RBFOX1: variants seen among roughly 807,000 people sequenced by gnomAD.
The protein encoded by RBFOX1 is RNA binding protein fox-1 homolog 1.
Under a neutral mutation model 57.7 loss-of-function variants are expected in RBFOX1, and 8 were observed. That is an observed-to-expected ratio of 0.14 (90% CI 0.08 to 0.25). The LOEUF (loss-of-function observed/expected upper bound fraction) is 0.25. Among genes scored for constraint, RBFOX1 ranks in the 10% least tolerant of loss-of-function variants. The pLI is 1.00. For missense variants in RBFOX1, 611 were observed against 548.5 expected, an observed-to-expected ratio of 1.11 and a Z score of -1.14; for synonymous variants, 326 against 222.4, an observed-to-expected ratio of 1.47 and a Z score of -4.15.
chr16:5,439,237 G>T (rs1373171929), intron 1 of RBFOX1, among the ~76,000 whole-genome samples: 4 of 152,090 alleles, frequency 2.6e-5, no homozygotes, highest in Admixed American at 2.6e-4. Context: ...TCCAGGAAGG[G>T]ATAGAATCTT....
intron 2 of RBFOX1, among the ~76,000 whole-genome samples, chr16:6,381,976 TGTAA>T (rs1360321327): frequency 6.6e-6 from 1 of 152,208 alleles, no homozygotes; most frequent in Admixed American, 6.5e-5. Flanking sequence ...AAAGTTTTCC[TGTAA>T]AGGGCCACAC....
At chr16:7,234,934 G>T (rs1039221852) in intron 4 of RBFOX1, among the ~76,000 whole-genome samples, 1 of 151,970 alleles carries the variant, frequency 6.6e-6, no homozygotes, top group African/African-American at 2.4e-5. Context: ...ACTTACTGTA[G>T]ACTTGCTTTT....
chr16:7,399,282 TACTAA>T (rs1277920796), intron 4 of RBFOX1, among the ~76,000 whole-genome samples: 2,740 of 152,246 alleles, frequency 0.018, 69 homozygotes, highest in African/African-American at 0.061. Context: ...ACCCCATCTC[TACTAA>T]AAATACAAAA....
chr16:6,675,020 C>T lies in RBFOX1; in HGVS notation c.-16+20370C>T, dbSNP rs4786905. ...TCCCAGGTTCAAGCCATTCTCGTGCCTCAGCCTCCTCATTAGCTGGGACTA... is the reference window on the plus strand; with the variant it reads ...TCCCAGGTTCAAGCCATTCTCGTGCTTCAGCCTCCTCATTAGCTGGGACTA... On this transcript the variant is annotated intron_variant, in intron 3 of 15. Transcript: ENST00000550418. Among the ~76,000 whole-genome samples, 4 of 151,978 alleles carry T rather than the reference C, an allele frequency of 2.6e-5. No homozygotes were observed. In the East Asian group the frequency reaches 5.8e-4, roughly 22 times the overall value.
intron 12 of RBFOX1, among the ~76,000 whole-genome samples, chr16:7,658,670 C>A (rs907326942): frequency 6.6e-6 from 1 of 152,132 alleles, no homozygotes; most frequent in African/African-American, 2.4e-5. Context: ...TCGATGAGTA[C>A]CTATTAGGTA....
At chr16:5,485,072 C>T (rs2069679198) in intron 2 of RBFOX1, among the ~76,000 whole-genome samples, 1 of 148,842 alleles carries the variant, frequency 6.7e-6, no homozygotes, top group Admixed American at 6.7e-5. Context: ...TAAGGCTGGG[C>T]ACAGTGGCTC....
At chr16:6,123,485 T>A (rs1223239061) in intron 1 of RBFOX1, among the ~76,000 whole-genome samples, 1 of 152,194 alleles carries the variant, frequency 6.6e-6, no homozygotes, top group Non-Finnish European at 1.5e-5. Context: ...GAATAGAGGT[T>A]ACCAGGGGCT....
At chr16:7,334,080 A>G (rs2144562228) in intron 4 of RBFOX1, among the ~76,000 whole-genome samples, 1 of 152,212 alleles carries the variant, frequency 6.6e-6, no homozygotes. Context: ...ACCCTAGCTC[A>G]TTAATTACAA....
chr16:6,539,000 A>T (rs574885593), intron 2 of RBFOX1, among the ~76,000 whole-genome samples: 3 of 152,002 alleles, frequency 2.0e-5, no homozygotes, highest in African/African-American at 7.3e-5. Context: ...TGTCATTCCA[A>T]TGTTATTTTT....
chr16:5,320,023 A>G (rs1267461274), intron 1 of RBFOX1, among the ~76,000 whole-genome samples: 1 of 152,164 alleles, frequency 6.6e-6, no homozygotes, highest in East Asian at 1.9e-4. Flanking sequence ...GGAGGCTGGG[A>G]AATGTAGTTT....
chr16:7,385,248 C>G (rs1334954321), intron 4 of RBFOX1, among the ~76,000 whole-genome samples: 1 of 152,088 alleles, frequency 6.6e-6, no homozygotes, highest in Non-Finnish European at 1.5e-5. Context: ...AAACATAGAC[C>G]AGTGGGGCCC....
intron 2 of RBFOX1, among the ~76,000 whole-genome samples, chr16:6,478,270 T>C (rs937991532): frequency 2.1e-5 from 3 of 145,066 alleles, no homozygotes; most frequent in South Asian, 2.2e-4. Context: ...TCACCTGGGC[T>C]GGAGTGCAGT....
intron 4 of RBFOX1, among the ~76,000 whole-genome samples, chr16:7,177,361 C>T (rs1446210581): frequency 1.3e-5 from 2 of 152,040 alleles, no homozygotes; most frequent in African/African-American, 2.4e-5. Context: ...GAGTTTCCAA[C>T]ACAGAGGAAT....
intron 4 of RBFOX1, among the ~76,000 whole-genome samples, chr16:7,272,725 G>A (rs4414510): frequency 0.44 from 66,275 of 151,758 alleles, 16,699 homozygotes; most frequent in African/African-American, 0.7. Context: ...GGAAACAGAC[G>A]CAGCTGAGAG....
chr16:6,042,295 T>C (rs1037777511), intron 1 of RBFOX1, among the ~76,000 whole-genome samples: 9 of 152,002 alleles, frequency 5.9e-5, no homozygotes, highest in African/African-American at 2.2e-4. Flanking sequence ...GAGACAGGGT[T>C]TCACCGTGTT....
intron 2 of RBFOX1, among the ~76,000 whole-genome samples, chr16:6,488,363 G>C (rs1319802634): frequency 6.6e-6 from 1 of 152,118 alleles, no homozygotes; most frequent in Non-Finnish European, 1.5e-5. Flanking sequence ...AAATGATGAG[G>C]ATGAGGATGT....
At chr16:7,405,078 C>G (rs766085193) in intron 4 of RBFOX1, among the ~76,000 whole-genome samples, 1 of 152,212 alleles carries the variant, frequency 6.6e-6, no homozygotes, top group Non-Finnish European at 1.5e-5. Flanking sequence ...GCAGTGCATG[C>G]TTGCCAGGTT....
chr16:7,011,882 T>A (rs1376625658), intron 3 of RBFOX1, among the ~76,000 whole-genome samples: 1 of 152,192 alleles, frequency 6.6e-6, no homozygotes, highest in African/African-American at 2.4e-5. Flanking sequence ...TTGGATGATG[T>A]TAGCTCAAGT....
intron 4 of RBFOX1, among the ~76,000 whole-genome samples, chr16:7,436,356 G>C (rs1472721058): frequency 1.3e-5 from 2 of 152,152 alleles, no homozygotes; most frequent in Non-Finnish European, 2.9e-5. Context: ...GGACAAACGT[G>C]TTTGAACACA....
Sources: allele counts gnomAD v4.1 joint callset (sites outside exome capture counted in the v4.1 genomes callset), GRCh38; gene constraint gnomAD v4.1.1; transcripts MANE v1.5; gene names NCBI Gene and HGNC (gene_info 2026-07-23, HGNC 2026-07-21).